Variants in PDE1C observed in about 807,000 individuals in gnomAD.
PDE1C encodes dual specificity calcium/calmodulin-dependent 3',5'-cyclic nucleotide phosphodiesterase 1C.
In PDE1C, 62 loss-of-function variants were observed where a neutral mutation model predicts 93.1. That is an observed-to-expected ratio of 0.67 (90% CI 0.54 to 0.82). The LOEUF (loss-of-function observed/expected upper bound fraction) is 0.82, where lower values mean the gene tolerates loss of function less well. Among genes scored for constraint, PDE1C ranks in the 40% least tolerant of loss-of-function variants. The probability of loss-of-function intolerance (pLI) is 0.00; values close to 1 mark genes in which losing one functional copy is unlikely to be tolerated. For synonymous variants in PDE1C, 325 were observed against 310.1 expected (o/e 1.05, Z -0.50); for missense variants, 742 against 884.6 (o/e 0.84, Z 2.04).
intron 2 of PDE1C, among the ~76,000 whole-genome samples, chr7:31,934,590 G>A (rs906499174): frequency 6.6e-6 from 1 of 150,976 alleles, no homozygotes; most frequent in African/African-American, 2.4e-5. Flanking sequence ...ACTAGCTTAC[G>A]TGAGTTGATA....
intron 7 of PDE1C, among the ~76,000 whole-genome samples, chr7:31,861,189 T>C (rs1052433189): frequency 6.6e-6 from 1 of 152,200 alleles, no homozygotes; most frequent in Admixed American, 6.5e-5. Context: ...TGAAGCATTC[T>C]CTTTCCATGG....
chr7:31,777,445 C>T (rs1783086422), intron 16 of PDE1C, among the ~76,000 whole-genome samples: 1 of 152,188 alleles, frequency 6.6e-6, no homozygotes. Flanking sequence ...TCCCCTGCCT[C>T]AGCCTCCTGA....
At chr7:31,952,917 C>T (rs1387900059) in intron 2 of PDE1C, among the ~76,000 whole-genome samples, 1 of 152,096 alleles carries the variant, frequency 6.6e-6, no homozygotes, top group African/African-American at 2.4e-5. Context: ...TCCTTTAATA[C>T]ACTACATCTA....
chr7:31,962,325 G>C (rs1209865735), intron 2 of PDE1C, among the ~76,000 whole-genome samples: 1 of 152,224 alleles, frequency 6.6e-6, no homozygotes, highest in Non-Finnish European at 1.5e-5. Flanking sequence ...CAGCCCTGGA[G>C]TCTGCACAGA....
At chr7:32,257,269 G>A (rs558749887) in intron 1 of PDE1C, among the ~76,000 whole-genome samples, 2 of 152,322 alleles carry the variant, frequency 1.3e-5, no homozygotes, top group East Asian at 3.9e-4. Flanking sequence ...CTGTGGTGCT[G>A]CCCAAAAATT....
intron 2 of PDE1C, among the ~76,000 whole-genome samples, chr7:31,959,994 T>C (rs950499251): frequency 2.0e-5 from 3 of 151,628 alleles, no homozygotes; most frequent in African/African-American, 4.8e-5. Flanking sequence ...GCCTCCTATA[T>C]AGCTGGGATT....
chr7:32,335,431 T>C (rs993381776), intron 1 of PDE1C, among the ~76,000 whole-genome samples: 2 of 152,192 alleles, frequency 1.3e-5, no homozygotes, highest in Non-Finnish European at 2.9e-5. Flanking sequence ...AGGGCTTCCA[T>C]AGCAAAGTAC....
chr7:32,018,572 A>C (rs1788227528), intron 2 of PDE1C, among the ~76,000 whole-genome samples: 1 of 152,166 alleles, frequency 6.6e-6, no homozygotes, highest in Admixed American at 6.5e-5. Context: ...GCAAAAGATC[A>C]GAAATTGTAT....
intron 2 of PDE1C, among the ~76,000 whole-genome samples, chr7:32,177,351 G>T (rs1444984409): frequency 6.6e-6 from 1 of 152,168 alleles, no homozygotes. Context: ...CATCCCGTGG[G>T]TGTATTCACC....
At chr7:32,095,023 T>C (rs1797675995) in intron 3 of PDE1C, among the ~76,000 whole-genome samples, 1 of 152,208 alleles carries the variant, frequency 6.6e-6, no homozygotes, top group South Asian at 2.1e-4. Flanking sequence ...TGCATATCTT[T>C]CCACTAATTT....
Position 32,099,085 on chromosome 7 carries a change from T to C in PDE1C, c.308+70700A>G, listed in dbSNP as rs564931367. On this transcript the variant is annotated intron_variant, in intron 3 of 18. Transcript: ENST00000396193. ...AATGTTGGGGGACAGCAATTAATTA[T>C]TCTGAAAATTTGCTATAGCAACAAT... 1.3e-3 allele frequency among the ~76,000 whole-genome samples: 200 copies of C among 152,324 alleles called. 1 individual carries two copies. The highest frequency in any genetic ancestry group is 4.5e-3 in the African/African-American group (187 of 41,570).
chr7:32,161,796 AAG>A (rs1801942147), intron 3 of PDE1C, among the ~76,000 whole-genome samples: 1 of 152,174 alleles, frequency 6.6e-6, no homozygotes, highest in African/African-American at 2.4e-5. Flanking sequence ...ACAGCACTGA[AAG>A]CTTCCTGAGG....
rs535792103 is a variant in PDE1C, at chr7:32,240,636, A to T, written c.86-31097T>A. 9.2e-5 allele frequency among the ~76,000 whole-genome samples: 14 copies of T among 152,258 alleles called. No homozygotes were observed. In the South Asian group the frequency reaches 2.9e-3, roughly 32 times the overall value. ...TAAGGGGCAAAAATTTTACTAAAAAAGGTGAGGACTCTTGTGTCTGGAGCT... is the reference window on the plus strand; with the variant it reads ...TAAGGGGCAAAAATTTTACTAAAAATGGTGAGGACTCTTGTGTCTGGAGCT... On this transcript the variant is annotated intron_variant, in intron 1 of 18. Transcript: ENST00000396193.
chr7:31,921,391 T>C (rs890364049), intron 2 of PDE1C, among the ~76,000 whole-genome samples: 1 of 152,138 alleles, frequency 6.6e-6, no homozygotes. Flanking sequence ...AGTAAGTAAA[T>C]GATGCGATCC....
At chr7:32,228,453 G>C (rs1807453668) in intron 1 of PDE1C, among the ~76,000 whole-genome samples, 1 of 152,188 alleles carries the variant, frequency 6.6e-6, no homozygotes, top group African/African-American at 2.4e-5. Flanking sequence ...TCTTACAAAT[G>C]AGACAACTAA....
At chr7:32,112,142 T>C (rs1276888734) in intron 3 of PDE1C, among the ~76,000 whole-genome samples, 1 of 152,126 alleles carries the variant, frequency 6.6e-6, no homozygotes, top group East Asian at 1.9e-4. Context: ...GGACATGAGA[T>C]CTCTTGTGGG....
intron 3 of PDE1C, among the ~76,000 whole-genome samples, chr7:32,085,761 T>C (rs1481599081): frequency 2.0e-5 from 3 of 151,894 alleles, no homozygotes; most frequent in Admixed American, 6.6e-5. Context: ...ACCACATTAT[T>C]ATCTCAATAG....
intron 2 of PDE1C, among the ~76,000 whole-genome samples, chr7:32,027,607 T>TAAAAAAAAAAAAAAAA (rs551660766): frequency 7.6e-5 from 6 of 78,534 alleles, no homozygotes; most frequent in African/African-American, 3.1e-4. Context: ...TCAAAAATGG[T>TAAAAAAAAAAAAAAAA]AAAAAAAAAA....
intron 1 of PDE1C, among the ~76,000 whole-genome samples, chr7:32,399,152 G>A (rs1456808229): frequency 6.6e-6 from 1 of 152,208 alleles, no homozygotes; most frequent in Non-Finnish European, 1.5e-5. Flanking sequence ...GGGAAGAGGT[G>A]TGCTCAGTTG....
Sources: allele counts gnomAD v4.1 joint callset (sites outside exome capture counted in the v4.1 genomes callset), GRCh38; gene constraint gnomAD v4.1.1; transcripts MANE v1.5; gene names NCBI Gene and HGNC (gene_info 2026-07-23, HGNC 2026-07-21).